Variants in CELF2 observed in about 807,000 individuals in gnomAD.
The protein encoded by CELF2 is CUGBP Elav-like family member 2, also known as CUG triplet repeat RNA-binding protein 2.
Under a neutral mutation model 62.6 loss-of-function variants are expected in CELF2, and 8 were observed. The observed-to-expected ratio is 0.13, with a 90% CI of 0.07 to 0.23. CELF2 has a LOEUF of 0.23. Among genes scored for constraint, CELF2 ranks in the 10% least tolerant of loss-of-function variants. CELF2 has a pLI of 1.00. For synonymous variants in CELF2, 258 were observed against 250.0 expected (o/e 1.03, Z -0.30); for missense variants, 333 against 671.0 (o/e 0.50, Z 5.56).
At chr10:11,154,723 A>G (rs1436022309) in intron 1 of CELF2, among the ~76,000 whole-genome samples, 3 of 152,340 alleles carry the variant, frequency 2.0e-5, no homozygotes, top group Middle Eastern at 3.4e-3. Flanking sequence ...AACCTCATCA[A>G]TCATCTGTTG....
Position 11,243,466 on chromosome 10 carries a change from T to C in CELF2, c.355-5687T>C, listed in dbSNP as rs527870703. On this transcript the variant is annotated intron_variant, in intron 3 of 12. Transcript: ENST00000633077. This position sits in a 1 kb window ranked among gnomAD's most constrained non-coding sequence, Gnocchi z 4.1. ...ATAGCAATGTGAACTTGAAGAAATG[T>C]GTGACATCCCGTTTACTCCCATCAA... 3.9e-5 allele frequency among the ~76,000 whole-genome samples: 6 copies of C among 152,202 alleles called. No homozygotes were observed. Among genetic ancestry groups the C allele is most frequent in the South Asian group, 2.1e-4 (1 of 4,816 alleles).
the CELF2 span, among the ~76,000 whole-genome samples, chr10:10,472,600 A>G: frequency 6.6e-6 from 1 of 151,824 alleles, no homozygotes; most frequent in South Asian, 2.1e-4. Flanking sequence ...TATGGCCCAT[A>G]CTTTCCTGTT....
In CELF2 at chr10:10,868,015, T is replaced by C. The variant is rs570975396; in HGVS notation, c.54-51949T>C. On this transcript the variant is annotated intron_variant, in intron 1 of 13. Transcript: ENST00000636488. Reference sequence around the variant, plus strand: ...TTCCCACCCATACAATCTGAAAATATATCTACAATCTTGCTTATTCTTGTG... The same window carrying C: ...TTCCCACCCATACAATCTGAAAATACATCTACAATCTTGCTTATTCTTGTG... Among the ~76,000 whole-genome samples, 255 of 152,352 alleles carry C rather than the reference T, an allele frequency of 1.7e-3. 2 individuals are homozygous for C. Among genetic ancestry groups the C allele is most frequent in the Non-Finnish European group, 3.1e-3 (214 of 68,030 alleles).
chr10:11,136,826 C>T (rs1335382625), intron 1 of CELF2, among the ~76,000 whole-genome samples: 1 of 152,040 alleles, frequency 6.6e-6, no homozygotes, highest in Non-Finnish European at 1.5e-5. Context: ...ATTTAAACAT[C>T]ACTATTAGGA....
chr10:11,149,561 A>G (rs995059056), intron 1 of CELF2, among the ~76,000 whole-genome samples: 3 of 152,160 alleles, frequency 2.0e-5, no homozygotes, highest in African/African-American at 7.2e-5. Flanking sequence ...GCAGTGTACT[A>G]AGTAAACCCG....
intron 1 of CELF2, among the ~76,000 whole-genome samples, chr10:11,128,311 G>T (rs1041369346): frequency 6.6e-6 from 1 of 152,206 alleles, no homozygotes; most frequent in Admixed American, 6.5e-5. Context: ...AAGTCAGGTA[G>T]TGTGATGCCT....
rs1591459349 is a variant in CELF2, at chr10:11,319,307, T to G, written c.1097-1882T>G. On this transcript the variant is annotated intron_variant, in intron 10 of 12. Transcript: ENST00000633077. The surrounding 1 kb of genome is among the most constrained non-coding windows in gnomAD (Gnocchi z 4.4). ...TCACCTATCTCAAAAAACACGGAAGTTCCTTTGCATCACACAAATAGTGGG... is the reference window on the plus strand; with the variant it reads ...TCACCTATCTCAAAAAACACGGAAGGTCCTTTGCATCACACAAATAGTGGG... 1 of 355,090 alleles carries G rather than the reference T, an allele frequency of 2.8e-6. No individual in the cohort carries two copies. The highest frequency in any genetic ancestry group is 7.6e-5 in the East Asian group (1 of 13,132). The allele number at this position is 355,090 out of a possible 1,614,324, so 22.0% of individuals were successfully genotyped here.
In CELF2 at chr10:10,799,358, C is replaced by T. The variant is rs566736619; in HGVS notation, c.53+541C>T. On this transcript the variant is annotated intron_variant, in intron 1 of 13. Coordinates refer to the CELF2 transcript ENST00000636488. ...AATTAGCCAGGTGTGGTGGTGGGTG[C>T]CTGTAGTCCCTGCTACTTGGGAGGC... Among the ~76,000 whole-genome samples the T allele has an allele frequency of 1.4e-3, 212 of 152,118 alleles. 1 individual carries two copies. The highest frequency in any genetic ancestry group is 2.2e-3 in the Non-Finnish European group (148 of 67,988).
At chr10:11,288,355 T>G (rs2091854084) in intron 8 of CELF2, 63 bp from the exon 9 acceptor site, 1 of 1,588,336 alleles carries the variant, frequency 6.3e-7, no homozygotes, top group South Asian at 1.1e-5. Context: ...GAGCCTGCTC[T>G]TGTTTGGAAA....
intron 2 of CELF2, among the ~76,000 whole-genome samples, chr10:10,949,630 A>G (rs1014500901): frequency 1.3e-5 from 2 of 151,536 alleles, no homozygotes; most frequent in East Asian, 1.9e-4. Flanking sequence ...CATCTCTACT[A>G]AAAATACCAA....
Position 10,997,022 on chromosome 10 carries a change from C to A in CELF2, c.89+77023C>A, listed in dbSNP as rs1475258193. 1.3e-5 allele frequency among the ~76,000 whole-genome samples: 2 copies of A among 152,238 alleles called. No individual in the cohort carries two copies. Among genetic ancestry groups the A allele is most frequent in the Non-Finnish European group, 2.9e-5 (2 of 68,036 alleles). ...CAACTCCTTGGTTTTCTTCATTCCA[C>A]CCACTCAGTTATTCACATTGTGATT... On this transcript the variant is annotated intron_variant, in intron 2 of 13. Transcript: ENST00000636488. The surrounding 1 kb of genome is among the most constrained non-coding windows in gnomAD (Gnocchi z 5.3).
chr10:10,566,981 C>T, the CELF2 span, among the ~76,000 whole-genome samples: 6 of 152,122 alleles, frequency 3.9e-5, no homozygotes, highest in African/African-American at 9.7e-5. Flanking sequence ...TATTTACCTC[C>T]ACATATGCAT....
chr10:11,039,145 A>G lies in CELF2; in HGVS notation c.74+20982A>G, dbSNP rs556957361. Among the ~76,000 whole-genome samples the G allele has an allele frequency of 6.6e-6, 1 of 152,308 alleles. No individual in the cohort carries two copies. The highest frequency in any genetic ancestry group is 1.9e-4 in the East Asian group (1 of 5,186). ...AGCCGAGTCCTGTGTCAGCTCTCCTATTAGCGTGGAGGACACTGAGAGCAG... is the reference window on the plus strand; with the variant it reads ...AGCCGAGTCCTGTGTCAGCTCTCCTGTTAGCGTGGAGGACACTGAGAGCAG... On this transcript the variant is annotated intron_variant, in intron 1 of 12. Transcript: ENST00000633077. The surrounding 1 kb of genome is among the most constrained non-coding windows in gnomAD (Gnocchi z 4.1).
intron 3 of CELF2, among the ~76,000 whole-genome samples, chr10:11,221,296 TTCAG>T (rs2064801435): frequency 6.6e-6 from 1 of 152,236 alleles, no homozygotes; most frequent in African/African-American, 2.4e-5. Context: ...TGGTAGTTTG[TTCAG>T]TAGAAATGTC....
At chr10:10,766,954 G>A in the CELF2 span, among the ~76,000 whole-genome samples, 363 of 152,136 alleles carry the variant, frequency 2.4e-3, 4 homozygotes, top group African/African-American at 7.3e-3. Context: ...CACTGCCAAC[G>A]GTCCATATAT....
chr10:10,468,318 C>G, the CELF2 span, among the ~76,000 whole-genome samples: 1 of 151,972 alleles, frequency 6.6e-6, no homozygotes, highest in Admixed American at 6.6e-5. Flanking sequence ...GACCTTTGCT[C>G]TTGAGTGGTC....
At chr10:11,005,046 A>C, upstream of CELF2, 8 of 985,336 alleles carry the variant, frequency 8.1e-6, no homozygotes, top group Non-Finnish European at 9.6e-6. This position sits in a 1 kb window ranked among gnomAD's most constrained non-coding sequence, Gnocchi z 4.3. Context: ...CCAATTTTTA[A>C]AGATGGTAAT....
the CELF2 span, among the ~76,000 whole-genome samples, chr10:10,634,303 A>AGGAATATACCTAG: frequency 1.3e-5 from 2 of 152,088 alleles, no homozygotes; most frequent in Non-Finnish European, 2.9e-5. Context: ...GGTATATTCT[A>AGGAATATACCTAG]AATTGGGGGT....
the CELF2 span, among the ~76,000 whole-genome samples, chr10:10,660,733 A>G: frequency 1.3e-5 from 2 of 152,238 alleles, no homozygotes; most frequent in Non-Finnish European, 2.9e-5. Flanking sequence ...GAACGATAGA[A>G]CATTTTACAT....
Sources: allele counts gnomAD v4.1 joint callset (sites outside exome capture counted in the v4.1 genomes callset), GRCh38; gene constraint gnomAD v4.1.1; non-coding constraint Gnocchi (gnomAD v3.1); transcripts MANE v1.5; gene names NCBI Gene and HGNC (gene_info 2026-07-23, HGNC 2026-07-21).